The following MFHAS1 variants were observed in gnomAD, a reference collection of about 807,000 sequenced individuals.
The protein encoded by MFHAS1 is multifunctional ROCO family signaling regulator 1.
Under a neutral mutation model 70.4 loss-of-function variants are expected in MFHAS1, and 50 were observed. That is an observed-to-expected ratio of 0.71 (90% CI 0.57 to 0.90). MFHAS1 has a LOEUF of 0.90. Among genes scored for constraint, MFHAS1 ranks in the 40% least tolerant of loss-of-function variants. MFHAS1 has a pLI of 0.00. For missense variants in MFHAS1, 1,795 were observed against 1,347.6 expected, an observed-to-expected ratio of 1.33 and a Z score of -5.20; for synonymous variants, 952 against 620.0, an observed-to-expected ratio of 1.54 and a Z score of -7.96.
chr8:8,810,401 C>G (rs982842182), intron 1 of MFHAS1, among the ~76,000 whole-genome samples: 3 of 152,150 alleles, frequency 2.0e-5, no homozygotes, highest in Non-Finnish European at 4.4e-5. Flanking sequence ...ATACAGTCAA[C>G]TCCTGAACAA....
intron 2 of MFHAS1, among the ~76,000 whole-genome samples, chr8:8,796,019 G>T (rs992196149): frequency 2.6e-5 from 4 of 152,166 alleles, no homozygotes; most frequent in African/African-American, 9.7e-5. Flanking sequence ...TGTGGCTGCT[G>T]CTTTTCAGGA....
chr8:8,867,439 T>G (rs1808900846), intron 1 of MFHAS1, among the ~76,000 whole-genome samples: 1 of 152,150 alleles, frequency 6.6e-6, no homozygotes, highest in Admixed American at 6.5e-5. Flanking sequence ...CACAGAAAAT[T>G]TTTTTTATAA....
intron 1 of MFHAS1, among the ~76,000 whole-genome samples, chr8:8,836,983 T>C (rs1057411474): frequency 6.6e-6 from 1 of 152,220 alleles, no homozygotes; most frequent in Non-Finnish European, 1.5e-5. Context: ...GACCAAAACA[T>C]AGTTTCATGC....
Position 8,891,917 on chromosome 8 carries a change from G to T in MFHAS1, c.1142C>A (p.Pro381His). Residue 381 changes from proline to histidine, a missense_variant, in exon 1 of 3, where the codon CCC (proline) becomes CAC (histidine). Transcript: ENST00000276282. This position sits in a 1 kb window ranked among gnomAD's most constrained non-coding sequence, Gnocchi z 5.4. Reference protein sequence around the residue: ...KIKDNPLIQPPYEVCMKGIPY... With the variant: ...KIKDNPLIQPHYEVCMKGIPY... ...GATCCCCTTCATGCAGACCTCGTAG[G>T]GGGGCTGGATCAGTGGGTTGTCTTT... 3.7e-6 allele frequency: 6 copies of T among 1,610,896 alleles called. No homozygotes were observed. In the South Asian group the frequency reaches 5.5e-5, roughly 15 times the overall value.
intron 1 of MFHAS1, among the ~76,000 whole-genome samples, chr8:8,801,471 T>C (rs1210895793): frequency 1.3e-5 from 2 of 152,196 alleles, no homozygotes; most frequent in East Asian, 3.9e-4. Flanking sequence ...GTTTCCAGCA[T>C]GTTTGTATAC....
At chr8:8,861,708 T>C (rs1257253317) in intron 1 of MFHAS1, among the ~76,000 whole-genome samples, 1 of 152,096 alleles carries the variant, frequency 6.6e-6, no homozygotes, top group African/African-American at 2.4e-5. Context: ...CACAAAAAGG[T>C]TCTCTTGTAC....
At chr8:8,796,308 T>C (rs1206487307) in intron 2 of MFHAS1, among the ~76,000 whole-genome samples, 4 of 152,178 alleles carry the variant, frequency 2.6e-5, no homozygotes, top group African/African-American at 9.7e-5. Flanking sequence ...AACGGCCTAT[T>C]ACTGACTTTC....
chr8:8,891,655 G>C lies in MFHAS1; in HGVS notation c.1404C>G (p.Ser468=), dbSNP rs1162997832. Residue 468 remains serine, a synonymous_variant, in exon 1 of 3, where the codon TCC becomes TCG. Coordinates refer to ENST00000276282, the MANE Select transcript of MFHAS1 (RefSeq NM_004225.3). This position sits in a 1 kb window ranked among gnomAD's most constrained non-coding sequence, Gnocchi z 5.4. ...IEVTSWTADA[S]RGLRFIVYDL... is the part of the protein sequence containing the mutation. ...CATACACGATGAACCGCAGGCCCCG[G>C]GAGGCATCGGCCGTCCAGCTGGTCA... 1.9e-6 allele frequency: 3 copies of C among 1,613,644 alleles called. No homozygotes were observed. The highest frequency in any genetic ancestry group is 2.7e-5 in the African/African-American group (2 of 75,050).
In MFHAS1 at chr8:8,828,325, G is replaced by A. The variant is rs190593096; in HGVS notation, c.2999-30834C>T. On this transcript the variant is annotated intron_variant, in intron 1 of 2. Transcript: ENST00000276282. ...ATAGTTTGAACTTACACTTAGGTGC[G>A]GTGAAATCAAAGCCATCAAATACAG... is the stretch of plus-strand genomic sequence containing the variant. 2.1e-3 allele frequency among the ~76,000 whole-genome samples: 320 copies of A among 152,280 alleles called. 2 individuals are homozygous for A. The highest frequency in any genetic ancestry group is 3.8e-3 in the Non-Finnish European group (260 of 68,012).
At chr8:8,851,966 G>A (rs1021270624) in intron 1 of MFHAS1, among the ~76,000 whole-genome samples, 2 of 152,124 alleles carry the variant, frequency 1.3e-5, no homozygotes, top group Non-Finnish European at 2.9e-5. Context: ...TCACCAGGCG[G>A]ATCCCTAATA....
intron 1 of MFHAS1, among the ~76,000 whole-genome samples, chr8:8,864,004 C>G (rs1424236186): frequency 6.6e-6 from 1 of 152,002 alleles, no homozygotes; most frequent in African/African-American, 2.4e-5. Flanking sequence ...ACTCCTCTTC[C>G]TTATACCTTC....
intron 1 of MFHAS1, among the ~76,000 whole-genome samples, chr8:8,826,728 A>G (rs1329581931): frequency 6.6e-6 from 1 of 152,180 alleles, no homozygotes; most frequent in Non-Finnish European, 1.5e-5. Flanking sequence ...GTGAGGCTCC[A>G]TCTCAAAAAA....
intron 1 of MFHAS1, among the ~76,000 whole-genome samples, chr8:8,799,475 G>A (rs1806013156): frequency 6.6e-6 from 1 of 152,148 alleles, no homozygotes; most frequent in African/African-American, 2.4e-5. Context: ...CTGTATTTCT[G>A]GCTGGGACAG....
At chr8:8,808,966 C>G (rs552275183) in intron 1 of MFHAS1, among the ~76,000 whole-genome samples, 2 of 152,172 alleles carry the variant, frequency 1.3e-5, no homozygotes, top group Non-Finnish European at 2.9e-5. Context: ...CTGTTTACAG[C>G]CACTCCCCAT....
At chr8:8,817,601 T>C (rs184264936) in intron 1 of MFHAS1, among the ~76,000 whole-genome samples, 2 of 152,310 alleles carry the variant, frequency 1.3e-5, no homozygotes, top group East Asian at 3.9e-4. Context: ...ATGGGGGGGC[T>C]CTCGCCCCTC....
At chr8:8,848,236 C>G (rs545969584) in intron 1 of MFHAS1, among the ~76,000 whole-genome samples, 1 of 152,284 alleles carries the variant, frequency 6.6e-6, no homozygotes, top group Non-Finnish European at 1.5e-5. Context: ...CTGTTCTCAT[C>G]TCTTTAATCA....
Position 8,891,941 on chromosome 8 carries a change from T to G in MFHAS1, c.1118A>C (p.Lys373Thr). The G allele has an allele frequency of 6.2e-7, 1 of 1,611,620 alleles. No homozygotes were observed. The highest frequency in any genetic ancestry group is 8.5e-7 in the Non-Finnish European group (1 of 1,178,760). ...QLSRVGLWKI[K>T]DNPLIQPPYE... is the part of the protein sequence containing the mutation. ...GGGGGGCTGGATCAGTGGGTTGTCT[T>G]TGATCTTCCACAAACCCACCCGGGA... The change falls in exon 1 of 3, where the codon AAA becomes ACA. Residue 373 changes from lysine to threonine, a missense_variant. Physicochemically the swap from Lys to Thr is moderately conservative, Grantham distance 78 (BLOSUM62 -1). Transcript: ENST00000276282. This position sits in a 1 kb window ranked among gnomAD's most constrained non-coding sequence, Gnocchi z 5.4.
rs75762619 is a variant in MFHAS1 at position 8,892,455 on chromosome 8, G to C, written c.604C>G (p.Gln202Glu). 427 of 1,610,380 alleles carry C rather than the reference G, an allele frequency of 2.7e-4. 4 individuals are homozygous for C. In the East Asian group the frequency reaches 9.3e-3, roughly 35 times the overall value. Residue 202 changes from glutamine (Q) to glutamate (E), a missense_variant, in exon 1 of 3, where the codon CAG becomes GAG. Coordinates refer to ENST00000276282, the MANE Select transcript of MFHAS1 (RefSeq NM_004225.3). This position sits in a 1 kb window ranked among gnomAD's most constrained non-coding sequence, Gnocchi z 4.7. ...QLTAFPRQLL[Q>E]LVALEELDVS... Reference sequence around the variant, plus strand: ...TCCAGCTCCTCCAGGGCCACCAGCTGCAGCAGCTGCCGGGGGAAGGCAGTG... The same window carrying C: ...TCCAGCTCCTCCAGGGCCACCAGCTCCAGCAGCTGCCGGGGGAAGGCAGTG...
intron 1 of MFHAS1, among the ~76,000 whole-genome samples, chr8:8,835,769 C>T (rs368006298): frequency 1.3e-5 from 2 of 152,228 alleles, no homozygotes; most frequent in Non-Finnish European, 2.9e-5. Context: ...TATTCAGACC[C>T]AGTTCTCATG....
Sources: gnomAD v4.1 joint callset for allele counts (sites outside exome capture counted in the v4.1 genomes callset) on GRCh38, gnomAD v4.1.1 for gene constraint, Gnocchi (gnomAD v3.1) non-coding constraint, MANE v1.5 for transcripts, NCBI Gene and HGNC (gene_info 2026-07-23, HGNC 2026-07-21) for gene names.